PTPRT: variants seen among roughly 807,000 people sequenced by gnomAD.
PTPRT encodes receptor-type tyrosine-protein phosphatase T.
A neutral mutation model predicts 176.8 loss-of-function variants in PTPRT; 56 were observed. The observed-to-expected ratio is 0.32, with a 90% CI of 0.26 to 0.40. PTPRT has a LOEUF of 0.40. PTPRT is among the 10% of genes least tolerant of loss of function. PTPRT has a pLI of 1.00. For synonymous variants in PTPRT, 783 were observed against 739.0 expected (o/e 1.06, Z -0.96); for missense variants, 1,540 against 1,908.2 (o/e 0.81, Z 3.60).
chr20:42,665,837 G>A (rs1017177856), intron 7 of PTPRT, among the ~76,000 whole-genome samples: 7 of 150,670 alleles, frequency 4.6e-5, no homozygotes, highest in East Asian at 2.0e-4. Flanking sequence ...GCAAACTCTC[G>A]CAAGGACAAA....
chr20:42,368,948 T>G (rs1048621180), intron 9 of PTPRT, among the ~76,000 whole-genome samples: 1 of 152,098 alleles, frequency 6.6e-6, no homozygotes, highest in African/African-American at 2.4e-5. Flanking sequence ...GTGTGAGGGG[T>G]GGAGGAGTCC....
rs546510714 is a variant in PTPRT, at chr20:42,293,756, C to A, written c.2140-11231G>T. Among the ~76,000 whole-genome samples the A allele has an allele frequency of 3.3e-5, 5 of 152,232 alleles. No individual in the cohort carries two copies. The South Asian group carries it at 1.0e-3, about 32-fold the overall frequency. On this transcript the variant is annotated intron_variant, in intron 12 of 30. Transcript: ENST00000373187. ...TTATTTTCACTCCAAGCCTTACTCA[C>A]CACTAATTTTCCATGTTTAAATAAA...
intron 13 of PTPRT, among the ~76,000 whole-genome samples, chr20:42,262,712 T>C (rs1037817931): frequency 6.6e-6 from 1 of 152,206 alleles, no homozygotes; most frequent in Non-Finnish European, 1.5e-5. Context: ...AAATCATTCA[T>C]GCATGGGGTC....
intron 13 of PTPRT, among the ~76,000 whole-genome samples, chr20:42,281,810 T>C (rs1273304373): frequency 6.6e-6 from 1 of 152,170 alleles, no homozygotes; most frequent in Non-Finnish European, 1.5e-5. Flanking sequence ...AAAAGATACA[T>C]CTGATTTCTA....
intron 9 of PTPRT, among the ~76,000 whole-genome samples, chr20:42,368,103 CCA>C (rs2058539812): frequency 6.6e-6 from 1 of 152,112 alleles, no homozygotes; most frequent in African/African-American, 2.4e-5. Flanking sequence ...GCTGCACAGC[CCA>C]GTTTCTAGAC....
At chr20:42,759,328 C>A (rs2076881511) in intron 5 of PTPRT, among the ~76,000 whole-genome samples, 1 of 152,128 alleles carries the variant, frequency 6.6e-6, no homozygotes. Flanking sequence ...CATTTATTCC[C>A]CATGAAAAAT....
intron 6 of PTPRT, among the ~76,000 whole-genome samples, chr20:42,698,521 G>T (rs986491810): frequency 6.6e-6 from 1 of 152,106 alleles, no homozygotes; most frequent in Non-Finnish European, 1.5e-5. Flanking sequence ...TATCTTCATG[G>T]GTTGCACCAG....
chr20:42,902,556 G>A (rs1265561386), intron 1 of PTPRT, among the ~76,000 whole-genome samples: 3 of 152,190 alleles, frequency 2.0e-5, no homozygotes, highest in Non-Finnish European at 4.4e-5. Context: ...GTTCTACCCT[G>A]GGAAAATCAG....
chr20:42,655,188 T>C (rs1315147233), intron 7 of PTPRT, among the ~76,000 whole-genome samples: 1 of 152,158 alleles, frequency 6.6e-6, no homozygotes, highest in South Asian at 2.1e-4. Context: ...ATAATCTGCC[T>C]TAGAAATTTG....
At chr20:42,787,671 A>G (rs17811383) in intron 3 of PTPRT, among the ~76,000 whole-genome samples, 21,913 of 152,278 alleles carry the variant, frequency 0.14, 1,892 homozygotes, top group Non-Finnish European at 0.19. Context: ...CTGTGCAGGT[A>G]GAGAATATAA....
chr20:42,377,345 A>G (rs916694652), intron 9 of PTPRT, among the ~76,000 whole-genome samples: 1 of 152,190 alleles, frequency 6.6e-6, no homozygotes, highest in Non-Finnish European at 1.5e-5. Context: ...CCTAGAAGGT[A>G]AAGATGCCCA....
chr20:43,040,555 C>T (rs1782139247), intron 1 of PTPRT, among the ~76,000 whole-genome samples: 1 of 152,208 alleles, frequency 6.6e-6, no homozygotes, highest in Non-Finnish European at 1.5e-5. Flanking sequence ...ACCCGCACCC[C>T]CTCACAACCC....
At chr20:42,531,181 C>T (rs1418124817) in intron 7 of PTPRT, among the ~76,000 whole-genome samples, 1 of 152,152 alleles carries the variant, frequency 6.6e-6, no homozygotes, top group African/African-American at 2.4e-5. Context: ...TTCAGGGGTA[C>T]TCTTTTTTAT....
Position 42,538,358 on chromosome 20 carries a change from A to C in PTPRT, c.1154-65796T>G, listed in dbSNP as rs762140328. On this transcript the variant is annotated intron_variant, in intron 7 of 30. Transcript: ENST00000373187. Reference sequence around the variant, plus strand: ...AGAGTATCAGATGTCATCCTTGTACAAGAATCAGGAGTAGGTAAAGAGAGA... The same window carrying C: ...AGAGTATCAGATGTCATCCTTGTACCAGAATCAGGAGTAGGTAAAGAGAGA... Among the ~76,000 whole-genome samples the C allele has an allele frequency of 3.4e-4, 51 of 152,170 alleles. 1 individual carries two copies. Among genetic ancestry groups the C allele is most frequent in the Non-Finnish European group, 1.3e-4 (9 of 68,018 alleles).
At chr20:42,067,277 T>C in the PTPRT span, among the ~76,000 whole-genome samples, 1 of 152,156 alleles carries the variant, frequency 6.6e-6, no homozygotes, top group Non-Finnish European at 1.5e-5. Context: ...AGGAGCTTCA[T>C]CAACCCTGGG....
intron 1 of PTPRT, among the ~76,000 whole-genome samples, chr20:42,963,030 C>T (rs1032865881): frequency 1.3e-5 from 2 of 152,146 alleles, no homozygotes; most frequent in Non-Finnish European, 2.9e-5. Context: ...AACCCCGTCT[C>T]TATTAAAAAA....
intron 1 of PTPRT, among the ~76,000 whole-genome samples, chr20:43,013,873 G>A (rs1413650209): frequency 6.6e-6 from 1 of 152,178 alleles, no homozygotes; most frequent in Non-Finnish European, 1.5e-5. Flanking sequence ...TCTTGGGCAA[G>A]TTCCTTAAGC....
chr20:42,776,123 C>T (rs966728629), intron 4 of PTPRT, among the ~76,000 whole-genome samples: 1 of 152,142 alleles, frequency 6.6e-6, no homozygotes, highest in East Asian at 1.9e-4. Flanking sequence ...GCACTATCTC[C>T]GATGCCTGAC....
intron 7 of PTPRT, among the ~76,000 whole-genome samples, chr20:42,509,736 A>G (rs1051174484): frequency 1.3e-5 from 2 of 151,998 alleles, no homozygotes; most frequent in Non-Finnish European, 2.9e-5. Context: ...ACCTTAGTTC[A>G]TCTCTCTGTA....
Sources: gnomAD v4.1 joint callset for allele counts (sites outside exome capture counted in the v4.1 genomes callset) on GRCh38, gnomAD v4.1.1 for gene constraint, MANE v1.5 for transcripts, NCBI Gene and HGNC (gene_info 2026-07-23, HGNC 2026-07-21) for gene names.